Variants in LMTK3 observed in about 807,000 individuals in gnomAD.
LMTK3 encodes serine/threonine-protein kinase LMTK3.
In LMTK3, 27 loss-of-function variants were observed where a neutral mutation model predicts 116.7. That is an observed-to-expected ratio of 0.23 (90% CI 0.17 to 0.32). The LOEUF is 0.32. Among genes scored for constraint, LMTK3 ranks in the 10% least tolerant of loss-of-function variants. The pLI, the probability that LMTK3 is intolerant of heterozygous loss-of-function variation, is 1.00. For missense variants in LMTK3, 1,764 were observed against 2,068.5 expected (o/e 0.85, Z 2.86); for synonymous variants, 965 against 971.0 (o/e 0.99, Z 0.11).
chr19:48,498,878 C>G lies in LMTK3; in HGVS notation c.2191G>C (p.Glu731Gln), dbSNP rs1972397526. The change falls in exon 11 of 15, where the codon GAG (glutamate) becomes CAG (glutamine). Residue 731 changes from glutamate to glutamine, a missense_variant. This residue lies in a region of LMTK3 where 1,028 missense variants were observed against 1,050.6 expected (regional missense o/e 0.98). Transcript: ENST00000600059. ...GCCCCCATGAGGGGGTCCAGAAACT[C>G]GGGGGGGGCCGAGGCGGGGGGGGCC... ...PMAPPASAPP[E>Q]FLDPLMGAAA... is the part of the protein sequence containing the mutation. The G allele has an allele frequency of 2.2e-6, 2 of 891,556 alleles. No homozygotes were observed. Among genetic ancestry groups the G allele is most frequent in the South Asian group, 5.5e-5 (1 of 18,142 alleles). 55.2% of individuals were successfully genotyped at this position (891,556 alleles called of 1,614,324 possible). A position where few individuals can be genotyped will look rare whatever the true frequency, so the allele number is the denominator to read the frequency against.
In LMTK3 at chr19:48,493,891, C is replaced by T. The variant is rs1972275376; in HGVS notation, c.3895G>A (p.Gly1299Arg). ...EEAAAPGAAAGPRGPGRARAA... is the reference protein window; with the variant it reads ...EEAAAPGAAARPRGPGRARAA... ...CGCGCCCTCCCGGGGCCCCGCGGCC[C>T]CGCCGCCGCGCCCGGCGCCGCCGCC... Residue 1299 changes from glycine (G) to arginine (R), a missense_variant, in exon 12 of 15, where the codon GGG (glycine) becomes AGG (arginine). Physicochemically the swap from Gly to Arg is moderately radical, Grantham distance 125 (BLOSUM62 -2). Coordinates refer to ENST00000600059, the MANE Select transcript of LMTK3 (RefSeq NM_001388485.1). 1.6e-5 allele frequency: 17 copies of T among 1,062,042 alleles called. No individual in the cohort carries two copies. Among genetic ancestry groups the T allele is most frequent in the Non-Finnish European group, 1.9e-5 (17 of 882,720 alleles). The allele number at this position is 1,062,042 out of a possible 1,614,324, so 65.8% of individuals were successfully genotyped here. A position where few individuals can be genotyped will look rare whatever the true frequency, so the allele number is the denominator to read the frequency against.
rs1972662330 is a variant in LMTK3, at chr19:48,511,568, G to A, written c.9C>T (p.Ala3=). Residue 3 remains alanine, a synonymous_variant, in exon 1 of 15, where the codon GCC becomes GCT. Transcript: ENST00000600059. MP[A]PGALILLAAV... ...CCGCAAGGAGGATGAGGGCGCCGGG[G>A]GCAGGCATCTTGTCGAGGATGGCAG... The A allele has an allele frequency of 4.9e-6, 7 of 1,435,376 alleles. No individual in the cohort carries two copies. The East Asian group carries it at 1.7e-4, about 34-fold the overall frequency. The allele number at this position is 1,435,376 out of a possible 1,614,324, so 88.9% of individuals were successfully genotyped here.
At chr19:48,503,071 C>G (rs1409743793) in intron 5 of LMTK3, 75 bp from the exon 6 acceptor site, 11 of 836,242 alleles carry the variant, frequency 1.3e-5, no homozygotes, top group Non-Finnish European at 2.2e-5. Flanking sequence ...CCAGCAGAAC[C>G]AAACTGCTGC....
chr19:48,486,146 G>A (rs1189236014), intron 14 of LMTK3, among the ~76,000 whole-genome samples: 6 of 120,088 alleles, frequency 5.0e-5, no homozygotes, highest in Admixed American at 1.1e-4. Context: ...TGCAAGCTCC[G>A]CCTCCCGGGT....
At position 48,499,662 on chromosome 19, in the gene LMTK3, G is replaced by C. The variant is rs1305291066; in HGVS notation, c.1407C>G (p.Thr469=). ...GADPDDVLTV[T]ESSRGLNLEC... ...CGAGGTTGAGGCCGCGGCTACTCTC[G>C]GTGACCGTGAGCACATCGTCGGGGT... Residue 469 remains threonine, a synonymous_variant, in exon 11 of 15, where the codon ACC becomes ACG. Coordinates refer to ENST00000600059, the MANE Select transcript of LMTK3 (RefSeq NM_001388485.1). 1 of 1,539,284 alleles carries C rather than the reference G, an allele frequency of 6.5e-7. No homozygotes were observed. The highest frequency in any genetic ancestry group is 8.8e-7 in the Non-Finnish European group (1 of 1,142,004).
At position 48,498,991 on chromosome 19, in the gene LMTK3, C is replaced by A; in HGVS notation, c.2078G>T (p.Gly693Val). 7.2e-7 allele frequency: 1 copy of A among 1,391,338 alleles called. No homozygotes were observed. The highest frequency in any genetic ancestry group is 2.9e-5 in the East Asian group (1 of 34,042). The allele number at this position is 1,391,338 out of a possible 1,614,324, so 86.2% of individuals were successfully genotyped here. A position where few individuals can be genotyped will look rare whatever the true frequency, so the allele number is the denominator to read the frequency against. The change falls in exon 11 of 15, where the codon GGA (glycine) becomes GTA (valine). Residue 693 changes from glycine to valine, a missense_variant. Physicochemically the swap from Gly to Val is moderately radical, Grantham distance 109. Coordinates refer to ENST00000600059, the MANE Select transcript of LMTK3 (RefSeq NM_001388485.1). ...LERGDAVAGW[G>V]GHPALGCPHP... is the part of the protein sequence containing the mutation. Reference sequence around the variant, plus strand: ...GGGGCAGCCAAGAGCAGGGTGGCCTCCCCAGCCTGCTACGGCGTCCCCCCG... The same window carrying A: ...GGGGCAGCCAAGAGCAGGGTGGCCTACCCAGCCTGCTACGGCGTCCCCCCG...
Position 48,493,146 on chromosome 19 carries a change from G to A in LMTK3, c.4092+548C>T, listed in dbSNP as rs945666631. Among the ~76,000 whole-genome samples the A allele has an allele frequency of 8.2e-5, 12 of 146,524 alleles. No individual in the cohort carries two copies. The South Asian group carries it at 2.2e-3, about 27-fold the overall frequency. ...CACAGACTTGGCCTCCCTCAGGCCC[G>A]GATCCAGACTCTGTCCCGATCCTAG... is the stretch of plus-strand genomic sequence containing the variant. On this transcript the variant is annotated intron_variant, in intron 12 of 14. Transcript: ENST00000600059.
chr19:48,506,273 G>T (rs981936521), intron 5 of LMTK3, among the ~76,000 whole-genome samples: 6 of 148,112 alleles, frequency 4.1e-5, no homozygotes, highest in Non-Finnish European at 7.5e-5. Context: ...AAAAAAAAAA[G>T]TATTTATTTA....
In LMTK3 at chr19:48,508,982, C is replaced by A; in HGVS notation, c.439-13G>T. 1 of 1,568,694 alleles carries A rather than the reference C, an allele frequency of 6.4e-7. No homozygotes were observed. Among genetic ancestry groups the A allele is most frequent in the Middle Eastern group, 1.7e-4 (1 of 5,874 alleles). On this transcript the variant is annotated splice_polypyrimidine_tract_variant and intron_variant, in intron 4 of 14. Coordinates refer to ENST00000600059, the MANE Select transcript of LMTK3 (RefSeq NM_001388485.1). ...CTCCCAGGATCACCTGGTCAAGGGG[C>A]ACCCAGGAGTCAGCGAGTGCCGTTT...
chr19:48,503,327 C>T (rs1972505268), intron 5 of LMTK3, among the ~76,000 whole-genome samples: 2 of 152,248 alleles, frequency 1.3e-5, no homozygotes, highest in South Asian at 2.1e-4. Flanking sequence ...GGATTACAGG[C>T]GTGAACCACC....
chr19:48,509,583 T>A, intron 3 of LMTK3, 70 bp from the exon 4 acceptor site: 1 of 1,292,240 alleles, frequency 7.7e-7, no homozygotes, highest in South Asian at 1.4e-5. Flanking sequence ...ACACCCCAGG[T>A]CAGTGGGGAC....
chr19:48,496,090 G>A (rs1479756417), intron 11 of LMTK3, among the ~76,000 whole-genome samples: 2 of 151,932 alleles, frequency 1.3e-5, no homozygotes, highest in Non-Finnish European at 2.9e-5. Flanking sequence ...GTTGTTGTTT[G>A]TTTGTTTCTG....
chr19:48,509,055 C>A, intron 4 of LMTK3, 86 bp from the exon 5 acceptor site: 1 of 851,034 alleles, frequency 1.2e-6, no homozygotes, highest in Non-Finnish European at 1.8e-6. Flanking sequence ...ACACAGCTCC[C>A]AACCCCCGGC....
Position 48,491,008 on chromosome 19 carries a change from A to C in LMTK3, c.4366+100T>G. On this transcript the variant is annotated intron_variant, in intron 14 of 14. Coordinates refer to ENST00000600059, the MANE Select transcript of LMTK3 (RefSeq NM_001388485.1). This position sits in a 1 kb window ranked among gnomAD's most constrained non-coding sequence, Gnocchi z 5.1. The stretch of plus-strand genomic sequence containing the variant: ...AGGGGAGAGAGAAGAGACTGGGAAG[A>C]GAGAGGCAGGGACATTGAAAGATGG... 2 of 754,756 alleles carry C rather than the reference A, an allele frequency of 2.6e-6. No homozygotes were observed. The highest frequency in any genetic ancestry group is 3.7e-6 in the Non-Finnish European group (2 of 543,730). 46.8% of individuals were successfully genotyped at this position (754,756 alleles called of 1,614,324 possible). A position where few individuals can be genotyped will look rare whatever the true frequency, so the allele number is the denominator to read the frequency against.
rs149960735 is a variant in LMTK3 at position 48,489,566 on chromosome 19, C to T, written c.4366+1542G>A. On this transcript the variant is annotated intron_variant, in intron 14 of 14. Transcript: ENST00000600059. ...TCGGCTTGGGCGACGAGCAAAACTCCGTCTCAAAAATACTAACTAACTAAA... is the reference window on the plus strand; with the variant it reads ...TCGGCTTGGGCGACGAGCAAAACTCTGTCTCAAAAATACTAACTAACTAAA... Among the ~76,000 whole-genome samples, 2,013 of 152,256 alleles carry T rather than the reference C, an allele frequency of 0.013. 32 individuals carry two copies. In the Middle Eastern group the frequency reaches 0.13, roughly 10 times the overall value.
At chr19:48,506,709 G>A (rs913750975) in intron 5 of LMTK3, among the ~76,000 whole-genome samples, 9 of 152,216 alleles carry the variant, frequency 5.9e-5, no homozygotes, top group African/African-American at 2.2e-4. Flanking sequence ...CTGTCTCCCA[G>A]GCTGGAGTAC....
In LMTK3 at chr19:48,511,571, A is replaced by C; in HGVS notation, c.6T>G (p.Pro2=). ...CAAGGAGGATGAGGGCGCCGGGGGCAGGCATCTTGTCGAGGATGGCAGGGA... is the reference window on the plus strand; with the variant it reads ...CAAGGAGGATGAGGGCGCCGGGGGCCGGCATCTTGTCGAGGATGGCAGGGA... M[P]APGALILLAA... is the part of the protein sequence containing the mutation. Residue 2 remains proline, a synonymous_variant, in exon 1 of 15, where the codon CCT becomes CCG. Transcript: ENST00000600059. The C allele has an allele frequency of 7.4e-7, 1 of 1,359,654 alleles. No homozygotes were observed. The highest frequency in any genetic ancestry group is 3.1e-5 in the East Asian group (1 of 31,784). 84.2% of individuals were successfully genotyped at this position (1,359,654 alleles called of 1,614,324 possible). A position where few individuals can be genotyped will look rare whatever the true frequency, so the allele number is the denominator to read the frequency against.
At chr19:48,510,412 C>T (rs772960036) in intron 2 of LMTK3, 47 bp downstream of exon 2, 1 of 1,567,286 alleles carries the variant, frequency 6.4e-7, no homozygotes, top group South Asian at 1.2e-5. Flanking sequence ...GGGTAAAGGC[C>T]TTGCTGGAGT....
chr19:48,487,158 C>T (rs1972139779), intron 14 of LMTK3, among the ~76,000 whole-genome samples: 1 of 151,994 alleles, frequency 6.6e-6, no homozygotes, highest in South Asian at 2.1e-4. Context: ...CCTCAGCCTC[C>T]CAAGTAGCTG....
Sources: gnomAD v4.1 joint callset for allele counts (sites outside exome capture counted in the v4.1 genomes callset) on GRCh38, gnomAD v4.1.1 for gene constraint, gnomAD v4.1.1 regional missense constraint, Gnocchi (gnomAD v3.1) non-coding constraint, MANE v1.5 for transcripts, NCBI Gene and HGNC (gene_info 2026-07-23, HGNC 2026-07-21) for gene names.